Variants in CBLB observed in about 807,000 individuals in gnomAD.
CBLB encodes the protein Cbl proto-oncogene B.
CBLB carries 31 observed loss-of-function variants against 104.9 expected under a neutral mutation model. That is an observed-to-expected ratio of 0.30 (90% CI 0.22 to 0.40). CBLB has a LOEUF of 0.40. CBLB is among the 10% of genes least tolerant of loss of function. The probability of loss-of-function intolerance (pLI) is 1.00; values close to 1 mark genes in which losing one functional copy is unlikely to be tolerated. For missense variants in CBLB, 1,062 were observed against 1,214.6 expected, an observed-to-expected ratio of 0.87 and a Z score of 1.87; for synonymous variants, 440 against 422.6, an observed-to-expected ratio of 1.04 and a Z score of -0.51.
At chr3:105,686,935 T>C (rs2067080385) in intron 13 of CBLB, among the ~76,000 whole-genome samples, 1 of 152,116 alleles carries the variant, frequency 6.6e-6, no homozygotes, top group Admixed American at 6.5e-5. Flanking sequence ...ATGGTTTAAC[T>C]TTGGAGGATT....
At chr3:105,668,451 G>A (rs2152691599) in intron 18 of CBLB, among the ~76,000 whole-genome samples, 1 of 152,132 alleles carries the variant, frequency 6.6e-6, no homozygotes, top group Admixed American at 6.5e-5. Flanking sequence ...CAGAGCTGGT[G>A]GTACTGAATA....
At chr3:105,739,975 C>T (rs918366962) in intron 7 of CBLB, among the ~76,000 whole-genome samples, 3 of 152,084 alleles carry the variant, frequency 2.0e-5, no homozygotes, top group Non-Finnish European at 4.4e-5. Context: ...TGGTGGCGCA[C>T]GCCTGTAGTC....
intron 3 of CBLB, among the ~76,000 whole-genome samples, chr3:105,845,554 T>TA (rs537923940): frequency 1.3e-3 from 194 of 144,226 alleles, no homozygotes; most frequent in East Asian, 3.4e-3. Flanking sequence ...AAACTGCTAT[T>TA]AAAAAAAAAA....
At chr3:105,764,162 C>CA (rs1332346943) in intron 4 of CBLB, among the ~76,000 whole-genome samples, 1 of 152,122 alleles carries the variant, frequency 6.6e-6, no homozygotes, top group East Asian at 1.9e-4. Context: ...GAGAAGAGAA[C>CA]AAATGTTTAG....
chr3:105,862,646 T>C (rs933006672), intron 2 of CBLB, among the ~76,000 whole-genome samples: 19 of 152,336 alleles, frequency 1.2e-4, no homozygotes, highest in African/African-American at 3.4e-4. Context: ...AAGTATTCTA[T>C]CAAAGCACAG....
chr3:105,733,580 G>T (rs923271581), intron 9 of CBLB, among the ~76,000 whole-genome samples: 8 of 152,148 alleles, frequency 5.3e-5, no homozygotes, highest in African/African-American at 1.7e-4. Flanking sequence ...CAGCACTACG[G>T]AGCATATGTG....
At chr3:105,701,777 A>T (rs905876287) in intron 12 of CBLB, among the ~76,000 whole-genome samples, 1 of 151,788 alleles carries the variant, frequency 6.6e-6, no homozygotes, top group African/African-American at 2.4e-5. Context: ...AAAAAAAAAA[A>T]ATGCAGGCTG....
chr3:105,732,212 T>C (rs951183799), intron 9 of CBLB, among the ~76,000 whole-genome samples: 3 of 150,832 alleles, frequency 2.0e-5, no homozygotes, highest in Admixed American at 6.6e-5. Flanking sequence ...TCAATATCTC[T>C]ATAATACCTC....
chr3:105,837,145 T>A (rs986024742), intron 3 of CBLB, among the ~76,000 whole-genome samples: 2 of 152,190 alleles, frequency 1.3e-5, no homozygotes, highest in African/African-American at 4.8e-5. Context: ...AGGAATTCCG[T>A]CAACAAGGAC....
At chr3:105,833,393 A>C (rs2087884242) in intron 3 of CBLB, among the ~76,000 whole-genome samples, 1 of 152,222 alleles carries the variant, frequency 6.6e-6, no homozygotes, top group Non-Finnish European at 1.5e-5. Context: ...TCTCTGAGAC[A>C]GACAGGCTTA....
chr3:105,862,462 C>T (rs1403716397), intron 2 of CBLB, among the ~76,000 whole-genome samples: 1 of 152,182 alleles, frequency 6.6e-6, no homozygotes, highest in East Asian at 1.9e-4. Context: ...TCACCAAGAC[C>T]TGTAGATTTT....
intron 13 of CBLB, among the ~76,000 whole-genome samples, chr3:105,692,929 T>G (rs761517107): frequency 1.6e-4 from 24 of 150,304 alleles, no homozygotes; most frequent in Non-Finnish European, 3.1e-4. Context: ...AGTTATCTCA[T>G]TTTACTAGCC....
intron 4 of CBLB, among the ~76,000 whole-genome samples, chr3:105,773,941 G>A (rs568520264): frequency 6.6e-6 from 1 of 152,198 alleles, no homozygotes; most frequent in African/African-American, 2.4e-5. Flanking sequence ...GCTGGGCTTG[G>A]GCCCTGAGCA....
chr3:105,736,814 C>T (rs1056090519), intron 8 of CBLB, among the ~76,000 whole-genome samples: 11 of 152,072 alleles, frequency 7.2e-5, no homozygotes, highest in African/African-American at 2.7e-4. Context: ...TTATCTTCAA[C>T]AGGCTTCAAT....
intron 6 of CBLB, among the ~76,000 whole-genome samples, chr3:105,741,194 G>T (rs955170450): frequency 9.9e-5 from 13 of 130,788 alleles, no homozygotes; most frequent in Non-Finnish European, 1.6e-4. Context: ...AAATTAGTTT[G>T]TTTGTTTTTT....
chr3:105,767,442 T>A (rs1469543549), intron 4 of CBLB, among the ~76,000 whole-genome samples: 2 of 152,014 alleles, frequency 1.3e-5, no homozygotes, highest in Non-Finnish European at 2.9e-5. Flanking sequence ...ATAGAGGCAA[T>A]AAATTGAGCT....
chr3:105,682,663 C>T (rs2301050), intron 14 of CBLB, among the ~76,000 whole-genome samples: 39,862 of 151,960 alleles, frequency 0.26, 5,398 homozygotes, highest in Admixed American at 0.27. Context: ...TGCACCACCA[C>T]GCCCAGCCAA....
chr3:105,681,880 A>G lies in CBLB; in HGVS notation c.2202-62T>C, dbSNP rs2066363506. ...ATACTTTCCAATTAAAAGTAACTTGAGAGGTAGAGGGAACTAGTATTCCTG... is the reference window on the plus strand; with the variant it reads ...ATACTTTCCAATTAAAAGTAACTTGGGAGGTAGAGGGAACTAGTATTCCTG... On this transcript the variant is annotated intron_variant, in intron 14 of 18. Transcript: ENST00000394030. The G allele has an allele frequency of 8.4e-6, 8 of 955,100 alleles. No individual in the cohort carries two copies. In the South Asian group the frequency reaches 1.0e-4, roughly 12 times the overall value. The allele number at this position is 955,100 out of a possible 1,614,324, so 59.2% of individuals were successfully genotyped here. A position where few individuals can be genotyped will look rare whatever the true frequency, so the allele number is the denominator to read the frequency against.
intron 4 of CBLB, among the ~76,000 whole-genome samples, chr3:105,753,979 C>T (rs2088501601): frequency 6.6e-6 from 1 of 152,116 alleles, no homozygotes; most frequent in South Asian, 2.1e-4. Context: ...AACCTCAAAT[C>T]CAAAGAGGCA....
Sources: gnomAD v4.1 joint callset for allele counts (sites outside exome capture counted in the v4.1 genomes callset) on GRCh38, gnomAD v4.1.1 for gene constraint, MANE v1.5 for transcripts, NCBI Gene and HGNC (gene_info 2026-07-23, HGNC 2026-07-21) for gene names.